XCR1: variants seen among roughly 807,000 people sequenced by gnomAD.
XCR1 encodes X-C motif chemokine receptor 1.
For synonymous variants in XCR1, 187 were observed against 188.5 expected (o/e 0.99, Z 0.06); for missense variants, 356 against 424.2 (o/e 0.84, Z 1.41).
intron 5 of XCR1, among the ~76,000 whole-genome samples, chr3:46,039,357 A>AT (rs1170639728): frequency 6.6e-6 from 1 of 152,172 alleles, no homozygotes; most frequent in African/African-American, 2.4e-5. Context: ...GACCTATCAC[A>AT]TTTTTTAATG....
At chr3:46,079,482 T>G (rs1698319367) in intron 1 of XCR1, among the ~76,000 whole-genome samples, 2 of 152,154 alleles carry the variant, frequency 1.3e-5, no homozygotes, top group African/African-American at 4.8e-5. Context: ...AAAAAGACTT[T>G]GAAGCCCTCC....
intron 1 of XCR1, among the ~76,000 whole-genome samples, chr3:46,077,806 T>G (rs180796876): frequency 6.6e-6 from 1 of 152,316 alleles, no homozygotes; most frequent in African/African-American, 2.4e-5. Flanking sequence ...AGACAATTAT[T>G]CTAAGTGAAT....
At chr3:46,044,534 CAAG>C (rs1559485892) in intron 5 of XCR1, among the ~76,000 whole-genome samples, 1 of 151,624 alleles carries the variant, frequency 6.6e-6, no homozygotes, top group Admixed American at 6.6e-5. Flanking sequence ...AAATTGAAAA[CAAG>C]AAATCAATAG....
At chr3:46,066,054 A>G (rs149733060) in intron 4 of XCR1, among the ~76,000 whole-genome samples, 1 of 152,244 alleles carries the variant, frequency 6.6e-6, no homozygotes, top group East Asian at 1.9e-4. Flanking sequence ...GAGGGAGGCT[A>G]GCGACAGCAT....
intron 1 of XCR1, 51 bp from the exon 2 acceptor site, chr3:46,022,029 T>C: frequency 6.8e-7 from 1 of 1,476,228 alleles, no homozygotes; most frequent in Non-Finnish European, 9.2e-7. Context: ...CTGGGTACAG[T>C]GGCTAACACC....
At chr3:46,079,700 C>A (rs12637023) in intron 1 of XCR1, among the ~76,000 whole-genome samples, 51,447 of 151,962 alleles carry the variant, frequency 0.34, 10,724 homozygotes, top group East Asian at 0.67. Context: ...TTATGTATAC[C>A]CCTTGGACAA....
rs1329867852 is a variant in XCR1, at chr3:46,021,452, T to C, written c.496A>G (p.Ile166Val). The change falls in exon 2 of 2, where the codon ATC (isoleucine) becomes GTC (valine). Residue 166 changes from isoleucine (I) to valine (V), a missense_variant. Physicochemically the swap from Ile to Val is conservative, Grantham distance 29 (BLOSUM62 3). Coordinates refer to ENST00000309285, the MANE Select transcript of XCR1 (RefSeq NM_001024644.2). This position sits in a 1 kb window ranked among gnomAD's most constrained non-coding sequence, Gnocchi z 4.7. ...CCCGAAGAAAGCACCTTGTGGAAGA[T>C]GGTGTCGAGGATGGAGGACAGGATG... is the stretch of plus-strand genomic sequence containing the variant. ...ASILSSILDT[I>V]FHKVLSSGCD... 1 of 1,613,822 alleles carries C rather than the reference T, an allele frequency of 6.2e-7. No homozygotes were observed. Among genetic ancestry groups the C allele is most frequent in the East Asian group, 2.2e-5 (1 of 44,868 alleles).
Position 46,017,448 on chromosome 3 carries a change from T to G in XCR1, c.*3498A>C, listed in dbSNP as rs1397157684. On this transcript the variant is annotated 3_prime_UTR_variant, in exon 2 of 2. Transcript: ENST00000309285. ...CCCAGACAAGTTCACAAGAAGCTCA[T>G]GGGGTGAGTACCTGGTGTTGACCAG... 6.6e-6 allele frequency: 1 copy of G among 152,168 alleles called. No individual in the cohort carries two copies. The highest frequency in any genetic ancestry group is 2.4e-5 in the African/African-American group (1 of 41,442). The allele number at this position is 152,168 out of a possible 1,614,324, so 9.4% of individuals were successfully genotyped here. A position where few individuals can be genotyped will look rare whatever the true frequency, so the allele number is the denominator to read the frequency against.
chr3:46,028,610 G>A (rs1481017779), upstream of XCR1, among the ~76,000 whole-genome samples: 1 of 131,950 alleles, frequency 7.6e-6, no homozygotes, highest in Non-Finnish European at 1.6e-5. Context: ...TTTTTTTTTT[G>A]AGGCAGGCCC....
upstream of XCR1, among the ~76,000 whole-genome samples, chr3:46,028,746 C>T (rs896774746): frequency 1.3e-5 from 2 of 151,988 alleles, no homozygotes; most frequent in African/African-American, 2.4e-5. Context: ...CACAGCACCA[C>T]ATCCAGCTAA....
chr3:46,052,370 C>A (rs1697763564), intron 5 of XCR1, among the ~76,000 whole-genome samples: 1 of 152,148 alleles, frequency 6.6e-6, no homozygotes, highest in Admixed American at 6.5e-5. Flanking sequence ...GCCCCCGTCT[C>A]ATTTCCCAAC....
chr3:46,028,617 GC>G (rs1345787419), upstream of XCR1, among the ~76,000 whole-genome samples: 2 of 150,130 alleles, frequency 1.3e-5, no homozygotes, highest in Non-Finnish European at 3.0e-5. Flanking sequence ...TTTGAGGCAG[GC>G]CCTCACTCTG....
At chr3:46,036,386 A>G (rs1328123520) in intron 5 of XCR1, among the ~76,000 whole-genome samples, 2 of 152,264 alleles carry the variant, frequency 1.3e-5, no homozygotes, top group African/African-American at 4.8e-5. Flanking sequence ...GTAACCACGT[A>G]AACCAATGAC....
intron 1 of XCR1, chr3:46,023,649 GT>G: frequency 1.4e-6 from 2 of 1,381,834 alleles, no homozygotes; most frequent in Non-Finnish European, 2.0e-6. Flanking sequence ...TTTCTCAGAA[GT>G]ACAGCCCTTC....
chr3:46,085,470 A>T (rs1698458400), intron 1 of XCR1, among the ~76,000 whole-genome samples: 1 of 152,008 alleles, frequency 6.6e-6, no homozygotes, highest in Non-Finnish European at 1.5e-5. Context: ...TGGTCCAAGT[A>T]TTTTTTTCTC....
At chr3:46,032,360 C>T (rs576377448), upstream of XCR1, among the ~76,000 whole-genome samples, 43 of 152,344 alleles carry the variant, frequency 2.8e-4, no homozygotes, top group Non-Finnish European at 4.4e-5. Flanking sequence ...GCATCTGGTC[C>T]AGCCATAGCT....
chr3:46,080,512 A>G (rs2125904580), intron 1 of XCR1, among the ~76,000 whole-genome samples: 1 of 152,236 alleles, frequency 6.6e-6, no homozygotes, highest in African/African-American at 2.4e-5. Context: ...CAGTGAGCTG[A>G]GATTGTGCCA....
chr3:46,026,765 G>A (rs1285245798), intron 1 of XCR1, among the ~76,000 whole-genome samples: 1 of 151,792 alleles, frequency 6.6e-6, no homozygotes, highest in Admixed American at 6.6e-5. Flanking sequence ...TGTATTTTTA[G>A]TAGAGACGGG....
At chr3:46,043,293 T>G (rs1405310456) in intron 5 of XCR1, among the ~76,000 whole-genome samples, 1 of 151,608 alleles carries the variant, frequency 6.6e-6, no homozygotes, top group African/African-American at 2.4e-5. Flanking sequence ...ATACAAAAAT[T>G]AGCCAACACG....
Sources: allele counts gnomAD v4.1 joint callset (sites outside exome capture counted in the v4.1 genomes callset), GRCh38; gene constraint gnomAD v4.1.1; non-coding constraint Gnocchi (gnomAD v3.1); transcripts MANE v1.5; gene names NCBI Gene and HGNC (gene_info 2026-07-23, HGNC 2026-07-21).